The following MYO16 variants were observed in gnomAD, a reference collection of about 807,000 sequenced individuals.
MYO16 encodes the protein unconventional myosin-XVI.
MYO16 carries 94 observed loss-of-function variants against 205.3 expected under a neutral mutation model. The ratio of observed to expected loss-of-function variants is 0.46; its 90% CI spans 0.39 to 0.54. The LOEUF is 0.54. Among genes scored for constraint, MYO16 ranks in the 20% least tolerant of loss-of-function variants. The pLI is 0.00. For missense variants in MYO16, 2,315 were observed against 2,387.5 expected, an observed-to-expected ratio of 0.97 and a Z score of 0.63; for synonymous variants, 988 against 954.0, an observed-to-expected ratio of 1.04 and a Z score of -0.66.
intron 13 of MYO16, among the ~76,000 whole-genome samples, chr13:108,888,170 C>T (rs1879991326): frequency 6.6e-6 from 1 of 152,136 alleles, no homozygotes; most frequent in Non-Finnish European, 1.5e-5. Flanking sequence ...GTATTTCAGA[C>T]AAATGAATCA....
rs755829865 is a variant in MYO16 at position 109,140,441 on chromosome 13, C to A, written c.4229C>A (p.Thr1410Asn). 7 of 1,553,592 alleles carry A rather than the reference C, an allele frequency of 4.5e-6. No individual in the cohort carries two copies. The highest frequency in any genetic ancestry group is 4.2e-5 in the African/African-American group (3 of 72,082). Reference protein sequence around the residue: ...GAPGAAARVLTPGTPQCALPP... With the variant: ...GAPGAAARVLNPGTPQCALPP... ...CCGGGGGCAGCAGCGCGCGTTCTGA[C>A]CCCCGGGACTCCGCAGTGCGCGCTG... is the stretch of plus-strand genomic sequence containing the variant. Residue 1410 changes from threonine to asparagine, a missense_variant, in exon 32 of 35, where the codon ACC becomes AAC. By Grantham distance (65) the Thr-to-Asn change is moderately conservative (BLOSUM62 0). Around this residue, in one of 3 missense-constraint regions of MYO16, gnomAD observed 1,097 missense variants for 1,092.0 expected, o/e 1.00. Transcript: ENST00000457511. This position sits in a 1 kb window ranked among gnomAD's most constrained non-coding sequence, Gnocchi z 8.0.
At chr13:108,543,302 A>G in the MYO16 span, among the ~76,000 whole-genome samples, 2 of 152,224 alleles carry the variant, frequency 1.3e-5, no homozygotes, top group East Asian at 1.9e-4. Context: ...GTAATTTCAC[A>G]TATTTTAAGG....
intron 5 of MYO16, among the ~76,000 whole-genome samples, chr13:108,787,554 G>C (rs1223190011): frequency 6.6e-6 from 1 of 152,178 alleles, no homozygotes; most frequent in Admixed American, 6.5e-5. Context: ...GGAAATTTTA[G>C]TATTGCAAGA....
chr13:108,707,098 G>A (rs1038312078), intron 2 of MYO16, among the ~76,000 whole-genome samples: 5 of 152,120 alleles, frequency 3.3e-5, no homozygotes, highest in Admixed American at 3.3e-4. Flanking sequence ...AATCACATAA[G>A]GTGTGATTGA....
chr13:109,095,029 A>G (rs1488616653), intron 27 of MYO16, among the ~76,000 whole-genome samples: 1 of 152,216 alleles, frequency 6.6e-6, no homozygotes, highest in Non-Finnish European at 1.5e-5. Context: ...CTTTGTGCTC[A>G]GTCAATACTG....
chr13:109,128,218 G>A (rs898935399), intron 31 of MYO16, among the ~76,000 whole-genome samples: 1 of 152,166 alleles, frequency 6.6e-6, no homozygotes, highest in Non-Finnish European at 1.5e-5. Context: ...TATGCATCAG[G>A]CTCTATTCTA....
intron 18 of MYO16, 84 bp from the exon 19 acceptor site, chr13:108,962,340 T>G: frequency 2.8e-6 from 3 of 1,076,622 alleles, no homozygotes; most frequent in Non-Finnish European, 4.1e-6. Context: ...TATATAAAAC[T>G]TATCAATTAT....
At chr13:108,890,071 A>G (rs2139185159) in intron 14 of MYO16, among the ~76,000 whole-genome samples, 1 of 149,664 alleles carries the variant, frequency 6.7e-6, no homozygotes, top group African/African-American at 2.5e-5. Context: ...AGCTGGGACC[A>G]CAGGCATGTG....
intron 20 of MYO16, among the ~76,000 whole-genome samples, chr13:108,966,846 T>C (rs1447670205): frequency 6.6e-6 from 1 of 152,164 alleles, no homozygotes. Flanking sequence ...ATAGGCCCAT[T>C]TCCTAAGTCA....
chr13:108,635,860 C>G (rs1350752574), intron 1 of MYO16, among the ~76,000 whole-genome samples: 3 of 152,058 alleles, frequency 2.0e-5, no homozygotes, highest in Non-Finnish European at 4.4e-5. Context: ...TGATTTTTTA[C>G]TAATTGTGTA....
At chr13:108,722,122 T>A (rs1884186819) in intron 3 of MYO16, among the ~76,000 whole-genome samples, 1 of 152,156 alleles carries the variant, frequency 6.6e-6, no homozygotes. Flanking sequence ...CTTGGCATTT[T>A]GAGAGGTAAA....
At chr13:108,618,350 A>T (rs1879421878) in intron 1 of MYO16, among the ~76,000 whole-genome samples, 1 of 152,190 alleles carries the variant, frequency 6.6e-6, no homozygotes, top group African/African-American at 2.4e-5. Flanking sequence ...AAAGAGGAGA[A>T]AAGACTTCCC....
intron 34 of MYO16, among the ~76,000 whole-genome samples, chr13:109,185,459 G>T (rs937974551): frequency 1.3e-5 from 2 of 151,946 alleles, no homozygotes; most frequent in African/African-American, 4.8e-5. Context: ...TTCTTTGCAG[G>T]GTCAATATTC....
At chr13:108,534,688 A>G in the MYO16 span, among the ~76,000 whole-genome samples, 2 of 151,328 alleles carry the variant, frequency 1.3e-5, no homozygotes, top group Non-Finnish European at 2.9e-5. Flanking sequence ...CTCTGTAGCC[A>G]ACTAATCTCT....
At chr13:108,539,075 C>T in the MYO16 span, among the ~76,000 whole-genome samples, 2 of 152,032 alleles carry the variant, frequency 1.3e-5, no homozygotes, top group Admixed American at 1.3e-4. Flanking sequence ...AGCTACAGCA[C>T]CAGATTTAAA....
intron 1 of MYO16, among the ~76,000 whole-genome samples, chr13:108,624,225 A>T (rs1879648536): frequency 6.6e-6 from 1 of 152,226 alleles, no homozygotes; most frequent in African/African-American, 2.4e-5. Flanking sequence ...TAAATGACAA[A>T]TGTATAGAGA....
the MYO16 span, among the ~76,000 whole-genome samples, chr13:108,501,768 A>T: frequency 6.6e-6 from 1 of 152,214 alleles, no homozygotes; most frequent in Non-Finnish European, 1.5e-5. Flanking sequence ...AGAATGTGTG[A>T]CCGACTGAGA....
rs576602401 is a variant in MYO16, at chr13:109,064,168, A to G, written c.3335+8573A>G. Among the ~76,000 whole-genome samples, 29 of 152,294 alleles carry G rather than the reference A, an allele frequency of 1.9e-4. No homozygotes were observed. The South Asian group carries it at 3.7e-3, about 20-fold the overall frequency. On this transcript the variant is annotated intron_variant, in intron 27 of 34. Transcript: ENST00000457511. ...TACATTTTTAAATGGTTACATTTAA[A>G]CGGTTATATAAGTACCTATATAATA... is the stretch of plus-strand genomic sequence containing the variant.
intron 27 of MYO16, among the ~76,000 whole-genome samples, chr13:109,093,748 C>T (rs1007078714): frequency 4.6e-5 from 7 of 152,158 alleles, no homozygotes; most frequent in Non-Finnish European, 7.3e-5. Context: ...TTACCTCTTC[C>T]GTCGCCATTG....
Sources: allele counts gnomAD v4.1 joint callset (sites outside exome capture counted in the v4.1 genomes callset), GRCh38; gene constraint gnomAD v4.1.1; regional missense constraint gnomAD v4.1.1; non-coding constraint Gnocchi (gnomAD v3.1); transcripts MANE v1.5; gene names NCBI Gene and HGNC (gene_info 2026-07-23, HGNC 2026-07-21).